The following SHC4 variants were observed in gnomAD, a reference collection of about 807,000 sequenced individuals.
The protein encoded by SHC4 is SHC adaptor protein 4.
A neutral mutation model predicts 69.4 loss-of-function variants in SHC4; 41 were observed. The observed-to-expected ratio is 0.59, with a 90% confidence interval of 0.46 to 0.77. SHC4 has a LOEUF of 0.77. Ranked by LOEUF, SHC4 falls within the 30% of genes least tolerant of loss-of-function variation. SHC4 has a pLI of 0.00. For missense variants in SHC4, 777 were observed against 783.8 expected (o/e 0.99, Z 0.10); for synonymous variants, 318 against 299.3 (o/e 1.06, Z -0.64).
chr15:48,886,174 T>C (rs912315836), intron 3 of SHC4, among the ~76,000 whole-genome samples: 1 of 152,056 alleles, frequency 6.6e-6, no homozygotes, highest in Non-Finnish European at 1.5e-5. Context: ...GGAGAATCGC[T>C]TGAACCTGGG....
At chr15:48,923,679 AC>A (rs1398599761) in intron 2 of SHC4, among the ~76,000 whole-genome samples, 27 of 114,818 alleles carry the variant, frequency 2.4e-4, no homozygotes, top group Admixed American at 4.6e-4. Flanking sequence ...TCTTGCTGTC[AC>A]CCACACAGGA....
chr15:48,884,161 C>G (rs1377666627), intron 4 of SHC4, 87 bp downstream of exon 4: 1 of 1,392,678 alleles, frequency 7.2e-7, no homozygotes, highest in Non-Finnish European at 9.4e-7. Flanking sequence ...TAGGCATACT[C>G]TGTCTAAAAC....
intron 2 of SHC4, among the ~76,000 whole-genome samples, chr15:48,916,559 CAAA>C (rs35709723): frequency 7.3e-6 from 1 of 136,892 alleles, no homozygotes; most frequent in African/African-American, 2.7e-5. Context: ...AGCATCAGTT[CAAA>C]AAAAAAAAAA....
At chr15:48,829,699 A>T (rs1195015399) in intron 11 of SHC4, among the ~76,000 whole-genome samples, 4 of 152,190 alleles carry the variant, frequency 2.6e-5, no homozygotes, top group African/African-American at 9.7e-5. Context: ...CAGGTGGATT[A>T]CCTGAGGTCA....
At position 48,864,436 on chromosome 15, in the gene SHC4, CTTTTTTTTTTTTT is replaced by C. The variant is rs35549079; in HGVS notation, c.946+3369_946+3381del. On this transcript the variant is annotated intron_variant, in intron 6 of 11. Transcript: ENST00000332408. Reference sequence around the variant, plus strand: ...TGCTTTCCAATACCAATACCACTTTCTTTTTTTTTTTTTTTTTTTTTTTTTTTTTGAGACAGAG... The same window carrying C: ...TGCTTTCCAATACCAATACCACTTTCTTTTTTTTTTTTTTTTGAGACAGAG... Among the ~76,000 whole-genome samples, 45 of 55,066 alleles carry C rather than the reference CTTTTTTTTTTTTT, an allele frequency of 8.2e-4. 1 individual carries two copies. Among genetic ancestry groups the C allele is most frequent in the East Asian group, 3.4e-3 (5 of 1,482 alleles). 36.1% of individuals were successfully genotyped at this position (55,066 alleles called of 152,430 possible).
Position 48,843,507 on chromosome 15 carries a change from T to A in SHC4, c.1385A>T (p.Asp462Val). 6.2e-7 allele frequency: 1 copy of A among 1,614,090 alleles called. No individual in the cohort carries two copies. Among genetic ancestry groups the A allele is most frequent in the Non-Finnish European group, 8.5e-7 (1 of 1,180,008 alleles). ...AGCCTGTGTATTAATGTAGCAGGGG[T>A]CATCAAAGAGATCCACTCGGCACGT... ...KHTCRVDLFD[D>V]PCYINTQALQ... is the part of the protein sequence containing the mutation. The change falls in exon 10 of 12, where the codon GAC (aspartate) becomes GTC (valine). Residue 462 changes from aspartate (D) to valine (V), a missense_variant. Transcript: ENST00000332408.
chr15:48,860,522 A>G (rs1413359685), intron 6 of SHC4, among the ~76,000 whole-genome samples: 1 of 152,102 alleles, frequency 6.6e-6, no homozygotes, highest in Non-Finnish European at 1.5e-5. Flanking sequence ...AAAAATAATA[A>G]TAATAAATAA....
At position 48,936,432 on chromosome 15, in the gene SHC4, C is replaced by T. The variant is rs561754900; in HGVS notation, c.586-11483G>A. 2.6e-5 allele frequency among the ~76,000 whole-genome samples: 4 copies of T among 152,308 alleles called. No homozygotes were observed. The South Asian group carries it at 6.2e-4, about 24-fold the overall frequency. On this transcript the variant is annotated intron_variant, in intron 1 of 11. Transcript: ENST00000332408. ...GAAGTGAGCAAAGCCTTTCACTTGG[C>T]CCAATCCATCTCCTTCGATGTCTTT...
At chr15:48,882,013 C>G (rs1364730501) in intron 4 of SHC4, among the ~76,000 whole-genome samples, 2 of 151,996 alleles carry the variant, frequency 1.3e-5, no homozygotes, top group African/African-American at 4.8e-5. Flanking sequence ...TGTTTTCAGT[C>G]CAAAGCATAT....
intron 6 of SHC4, among the ~76,000 whole-genome samples, chr15:48,864,737 G>A (rs1246917154): frequency 2.6e-5 from 4 of 152,058 alleles, no homozygotes; most frequent in Admixed American, 6.6e-5. Context: ...GTGAGCCACC[G>A]CGCCCGGCCT....
intron 2 of SHC4, among the ~76,000 whole-genome samples, chr15:48,918,034 C>T (rs958756329): frequency 3.3e-5 from 5 of 152,150 alleles, no homozygotes; most frequent in African/African-American, 1.2e-4. Context: ...GTATCTGTAG[C>T]GGTAATTACT....
At chr15:48,836,775 C>T (rs79756959) in intron 10 of SHC4, among the ~76,000 whole-genome samples, 34 of 152,222 alleles carry the variant, frequency 2.2e-4, no homozygotes, top group African/African-American at 7.5e-4. Flanking sequence ...ACTGTTAATA[C>T]GTTATAGTTT....
intron 9 of SHC4, among the ~76,000 whole-genome samples, chr15:48,850,433 T>A (rs1899187881): frequency 6.6e-6 from 1 of 152,124 alleles, no homozygotes; most frequent in Non-Finnish European, 1.5e-5. Flanking sequence ...GTGACTACCT[T>A]GTAGATGGCA....
At position 48,824,613 on chromosome 15, in the gene SHC4, A is replaced by C. The variant is rs756485523; in HGVS notation, c.*1358T>G. On this transcript the variant is annotated 3_prime_UTR_variant, in exon 12 of 12. Transcript: ENST00000332408. ...ATTCATTCTGTGAGTATGGACACAG[A>C]CTATAGAAGAAAAGCTTAATTTTTT... The C allele has an allele frequency of 6.6e-6, 1 of 152,174 alleles. No individual in the cohort carries two copies. Among genetic ancestry groups the C allele is most frequent in the Non-Finnish European group, 1.5e-5 (1 of 68,034 alleles). The allele number at this position is 152,174 out of a possible 1,614,324, so 9.4% of individuals were successfully genotyped here. A position where few individuals can be genotyped will look rare whatever the true frequency, so the allele number is the denominator to read the frequency against.
At chr15:48,875,835 A>G (rs1899788033) in intron 4 of SHC4, among the ~76,000 whole-genome samples, 3 of 152,242 alleles carry the variant, frequency 2.0e-5, no homozygotes, top group Admixed American at 2.0e-4. Context: ...TGTCATCCAT[A>G]GAGAAATGAT....
intron 2 of SHC4, among the ~76,000 whole-genome samples, chr15:48,893,528 C>T (rs959946690): frequency 5.3e-5 from 8 of 152,046 alleles, no homozygotes; most frequent in African/African-American, 1.9e-4. Context: ...CAGATTTGGC[C>T]CATGGGCCAT....
At chr15:48,850,389 T>A (rs902554572) in intron 9 of SHC4, among the ~76,000 whole-genome samples, 1 of 152,144 alleles carries the variant, frequency 6.6e-6, no homozygotes, top group Admixed American at 6.6e-5. Context: ...TACATTGGTG[T>A]AATTCCATAA....
chr15:48,949,307 C>T (rs1567077357), intron 1 of SHC4, among the ~76,000 whole-genome samples: 2 of 150,424 alleles, frequency 1.3e-5, no homozygotes, highest in African/African-American at 4.9e-5. Flanking sequence ...GGATGCAGAG[C>T]TTGCAGTGAG....
At chr15:48,844,412 C>T (rs576706336) in intron 9 of SHC4, among the ~76,000 whole-genome samples, 15 of 152,314 alleles carry the variant, frequency 9.8e-5, no homozygotes, top group South Asian at 2.1e-4. Context: ...CTCTCTCCTC[C>T]CCAGCCTCTG....
Sources: gnomAD v4.1 joint callset for allele counts (sites outside exome capture counted in the v4.1 genomes callset) on GRCh38, gnomAD v4.1.1 for gene constraint, MANE v1.5 for transcripts, NCBI Gene and HGNC (gene_info 2026-07-23, HGNC 2026-07-21) for gene names.